TMPRSS11A: variants seen among roughly 807,000 people sequenced by gnomAD.
TMPRSS11A encodes the protein transmembrane serine protease 11A.
TMPRSS11A carries 53 observed loss-of-function variants against 58.9 expected under a neutral mutation model. That is an observed-to-expected ratio of 0.90 (90% CI 0.72 to 1.13). The LOEUF is 1.13. Among genes scored for constraint, TMPRSS11A ranks in the 50% most tolerant of loss-of-function variants. The probability of loss-of-function intolerance (pLI) is 0.00; values close to 1 mark genes in which losing one functional copy is unlikely to be tolerated. For missense variants in TMPRSS11A, 493 were observed against 499.3 expected, an observed-to-expected ratio of 0.99 and a Z score of 0.12; for synonymous variants, 167 against 169.8, an observed-to-expected ratio of 0.98 and a Z score of 0.13.
chr4:67,945,048 T>C (rs1720969364), intron 2 of TMPRSS11A, among the ~76,000 whole-genome samples: 1 of 152,180 alleles, frequency 6.6e-6, no homozygotes, highest in African/African-American at 2.4e-5. Flanking sequence ...TGAGTTGAAA[T>C]GTGTACCATC....
intron 3 of TMPRSS11A, among the ~76,000 whole-genome samples, chr4:67,935,102 A>G (rs1295049829): frequency 2.0e-5 from 3 of 152,220 alleles, no homozygotes; most frequent in Admixed American, 2.0e-4. Flanking sequence ...GGATTTTTAA[A>G]AGACACTTTT....
At position 67,919,163 on chromosome 4, in the gene TMPRSS11A, ATTTCT is replaced by A. The variant is rs1365811638; in HGVS notation, c.757_761del (p.Arg253CysfsTer8). The A allele has an allele frequency of 1.2e-6, 2 of 1,614,142 alleles. No individual in the cohort carries two copies. The highest frequency in any genetic ancestry group is 8.5e-7 in the Non-Finnish European group (1 of 1,179,998). ...TCTCATGGATAATAAATCTTCTGAC[ATTTCT>A]TTTCATTAAGGGAGGGTTGATTTTT... is the stretch of plus-strand genomic sequence containing the variant. On this transcript the variant is annotated frameshift_variant, in exon 8 of 10. Coordinates refer to ENST00000508048, the MANE Select transcript of TMPRSS11A (RefSeq NM_001114387.2). LOFTEE classifies it high-confidence loss of function.
At chr4:67,916,470 TATACACAC>T (rs1720149615) in intron 8 of TMPRSS11A, among the ~76,000 whole-genome samples, 1 of 36,526 alleles carries the variant, frequency 2.7e-5, no homozygotes, top group Non-Finnish European at 5.1e-5. Flanking sequence ...TTATATATAT[TATACACAC>T]ACACACACAC....
intron 9 of TMPRSS11A, among the ~76,000 whole-genome samples, chr4:67,913,272 G>A (rs1307930891): frequency 6.6e-6 from 1 of 152,252 alleles, no homozygotes; most frequent in Non-Finnish European, 1.5e-5. Context: ...GAGGTGATTA[G>A]GTCATGAGGG....
intron 6 of TMPRSS11A, among the ~76,000 whole-genome samples, chr4:67,923,556 G>A (rs1403344491): frequency 6.6e-6 from 1 of 152,098 alleles, no homozygotes; most frequent in Non-Finnish European, 1.5e-5. Flanking sequence ...GCTGAGGCTG[G>A]AGTGCAGTGG....
At chr4:67,950,253 A>C (rs1355803272) in intron 1 of TMPRSS11A, among the ~76,000 whole-genome samples, 1 of 152,138 alleles carries the variant, frequency 6.6e-6, no homozygotes, top group African/African-American at 2.4e-5. Context: ...ATTAGGCAGA[A>C]CTCAGTTCCT....
intron 8 of TMPRSS11A, among the ~76,000 whole-genome samples, chr4:67,917,147 A>G (rs2109735164): frequency 6.6e-6 from 1 of 150,874 alleles, no homozygotes; most frequent in East Asian, 1.9e-4. Flanking sequence ...TATTCTTATT[A>G]TTTCCTTCCT....
At chr4:67,915,599 A>G (rs890451166) in intron 8 of TMPRSS11A, among the ~76,000 whole-genome samples, 2 of 152,242 alleles carry the variant, frequency 1.3e-5, no homozygotes, top group Non-Finnish European at 2.9e-5. Context: ...GGAGATTATC[A>G]AAGGTGGGCC....
At chr4:67,920,527 T>TTATATATATATATATATATA (rs1180319358) in intron 7 of TMPRSS11A, among the ~76,000 whole-genome samples, 14 of 132,726 alleles carry the variant, frequency 1.1e-4, no homozygotes, top group African/African-American at 3.6e-4. Context: ...AATGAGGTAA[T>TTATATATATATATATATATA]TATATATATA....
At chr4:67,921,052 A>G (rs1480234760) in intron 7 of TMPRSS11A, among the ~76,000 whole-genome samples, 1 of 152,204 alleles carries the variant, frequency 6.6e-6, no homozygotes, top group Non-Finnish European at 1.5e-5. Flanking sequence ...TAGCTGTTAT[A>G]TGAATGAAGA....
rs1720826391 is a variant in TMPRSS11A at position 67,939,360 on chromosome 4, A to G, written c.252+5159T>C. 1.3e-5 allele frequency among the ~76,000 whole-genome samples: 2 copies of G among 152,210 alleles called. 1 individual carries two copies. Among genetic ancestry groups the G allele is most frequent in the Admixed American group, 1.3e-4 (2 of 15,290 alleles). On this transcript the variant is annotated intron_variant, in intron 3 of 9. Coordinates refer to ENST00000508048, the MANE Select transcript of TMPRSS11A (RefSeq NM_001114387.2). ...AGGCATATAATCATATTGTCAGTAA[A>G]GAGAGATAATTTGACTTCCTCTTTT...
chr4:67,945,528 G>A (rs1720982456), intron 2 of TMPRSS11A, among the ~76,000 whole-genome samples: 1 of 152,170 alleles, frequency 6.6e-6, no homozygotes, highest in Admixed American at 6.5e-5. Flanking sequence ...TACTCTCATT[G>A]TAAAGAGACT....
chr4:67,946,394 A>C (rs1428839390), intron 2 of TMPRSS11A, 56 bp downstream of exon 2: 12 of 1,532,450 alleles, frequency 7.8e-6, no homozygotes, highest in Non-Finnish European at 1.1e-5. Context: ...ATATATGTAA[A>C]TGGAGCTTTG....
intron 1 of TMPRSS11A, among the ~76,000 whole-genome samples, chr4:67,951,888 A>G (rs1467079219): frequency 6.6e-6 from 1 of 152,214 alleles, no homozygotes; most frequent in Non-Finnish European, 1.5e-5. Context: ...TTTCTGAAAG[A>G]AAGTTCTTAT....
chr4:67,949,159 C>T (rs528071159), intron 1 of TMPRSS11A, among the ~76,000 whole-genome samples: 2 of 152,144 alleles, frequency 1.3e-5, no homozygotes, highest in East Asian at 3.9e-4. Flanking sequence ...TATTAGAGCA[C>T]AGTTCCTCTG....
rs1721011062 is a variant in TMPRSS11A, at chr4:67,946,506, A to G, written c.77T>C (p.Leu26Ser). ...GGTCACTGCCACCACTGTCAGGGACAACACAATGAGAACGGCAATCATCCA... is the reference window on the plus strand; with the variant it reads ...GGTCACTGCCACCACTGTCAGGGACGACACAATGAGAACGGCAATCATCCA... ...KPWMIAVLIVLSLTVVAVTIG... is the reference protein window; with the variant it reads ...KPWMIAVLIVSSLTVVAVTIG... Residue 26 changes from leucine (L) to serine (S), a missense_variant, in exon 2 of 10, where the codon TTG becomes TCG. Transcript: ENST00000508048. 1.2e-6 allele frequency: 2 copies of G among 1,612,890 alleles called. No homozygotes were observed. Among genetic ancestry groups the G allele is most frequent in the Non-Finnish European group, 1.7e-6 (2 of 1,179,440 alleles).
At chr4:67,929,191 C>T (rs936114552) in intron 5 of TMPRSS11A, among the ~76,000 whole-genome samples, 1 of 151,874 alleles carries the variant, frequency 6.6e-6, no homozygotes. Flanking sequence ...AATTTGCGTA[C>T]GTCACTGGAA....
At chr4:67,917,884 A>C (rs754338032) in intron 8 of TMPRSS11A, among the ~76,000 whole-genome samples, 8 of 152,220 alleles carry the variant, frequency 5.3e-5, no homozygotes, top group Non-Finnish European at 8.8e-5. Context: ...TTACAGCAGC[A>C]CTAGATCTAC....
At chr4:67,932,255 C>T (rs965835905) in intron 3 of TMPRSS11A, among the ~76,000 whole-genome samples, 195 bp from the exon 4 acceptor site, 7 of 152,150 alleles carry the variant, frequency 4.6e-5, no homozygotes, top group African/African-American at 1.7e-4. Context: ...CAGGGATCCT[C>T]TCCAAGAATT....
Sources: allele counts gnomAD v4.1 joint callset (sites outside exome capture counted in the v4.1 genomes callset), GRCh38; gene constraint gnomAD v4.1.1; transcripts MANE v1.5; gene names NCBI Gene and HGNC (gene_info 2026-07-23, HGNC 2026-07-21).